The following NRG1 variants were observed in gnomAD, a reference collection of about 807,000 sequenced individuals.
NRG1 encodes the protein neuregulin 1.
In NRG1, 18 loss-of-function variants were observed where a neutral mutation model predicts 63.8. The ratio of observed to expected loss-of-function variants is 0.28; its 90% confidence interval spans 0.19 to 0.42. NRG1 has a LOEUF of 0.42. Among genes scored for constraint, NRG1 ranks in the 10% least tolerant of loss-of-function variants. The pLI is 1.00. For missense variants in NRG1, 762 were observed against 814.7 expected (o/e 0.94, Z 0.79); for synonymous variants, 302 against 301.3 (o/e 1.00, Z -0.02).
chr8:31,868,872 C>G (rs960841777), intron 1 of NRG1, among the ~76,000 whole-genome samples: 5 of 152,176 alleles, frequency 3.3e-5, no homozygotes, highest in African/African-American at 1.2e-4. Flanking sequence ...CTATATGATT[C>G]CATGGTCTAT....
intron 5 of NRG1, among the ~76,000 whole-genome samples, chr8:32,656,816 CA>C (rs1356011462): frequency 5.3e-5 from 8 of 151,226 alleles, no homozygotes; most frequent in African/African-American, 1.9e-4. Flanking sequence ...CTGATGGACC[CA>C]ATAAAACTTG....
chr8:32,307,582 CA>C (rs1406963771), intron 1 of NRG1, among the ~76,000 whole-genome samples: 3 of 128,822 alleles, frequency 2.3e-5, no homozygotes, highest in Non-Finnish European at 4.9e-5. Flanking sequence ...TATGGTCACC[CA>C]GGGGTTTGTG....
At chr8:32,174,896 C>T (rs990421638) in intron 1 of NRG1, among the ~76,000 whole-genome samples, 7 of 152,056 alleles carry the variant, frequency 4.6e-5, no homozygotes, top group African/African-American at 1.2e-4. Flanking sequence ...CAAATTCTAC[C>T]GAGGTACAAG....
intron 1 of NRG1, among the ~76,000 whole-genome samples, chr8:32,108,781 C>T (rs780987173): frequency 1.3e-5 from 2 of 151,992 alleles, no homozygotes; most frequent in South Asian, 2.1e-4. Context: ...AGGGGACAAC[C>T]TTTAGAAGCT....
Position 31,923,299 on chromosome 8 carries a change from A to G in NRG1, c.37+283868A>G, listed in dbSNP as rs200570994. On this transcript the variant is annotated intron_variant, in intron 1 of 10. Coordinates refer to the NRG1 transcript ENST00000519301. ...TTCCTTTATTCTTTAATGAGGTGAT[A>G]TCATATCAAATATTAGACCAATATT... is the stretch of plus-strand genomic sequence containing the variant. 5.3e-5 allele frequency among the ~76,000 whole-genome samples: 8 copies of G among 152,194 alleles called. No individual in the cohort carries two copies. The East Asian group carries it at 1.3e-3, about 26-fold the overall frequency.
At position 32,634,715 on chromosome 8, in the gene NRG1, A is replaced by C. The variant is rs148059313; in HGVS notation, c.502+17830A>C. On this transcript the variant is annotated intron_variant, in intron 5 of 11. Transcript: ENST00000356819. ...TGAGTCTTGTGTAAGTCCAAATAAAAATTTTATTGTAGAGCCCAACAACAA... is the reference window on the plus strand; with the variant it reads ...TGAGTCTTGTGTAAGTCCAAATAAACATTTTATTGTAGAGCCCAACAACAA... Among the ~76,000 whole-genome samples, 156 of 152,306 alleles carry C rather than the reference A, an allele frequency of 1.0e-3. 1 individual carries two copies. The highest frequency in any genetic ancestry group is 1.9e-3 in the Non-Finnish European group (130 of 68,010).
chr8:31,983,599 C>G (rs1036574639), intron 1 of NRG1, among the ~76,000 whole-genome samples: 1 of 151,974 alleles, frequency 6.6e-6, no homozygotes, highest in East Asian at 1.9e-4. Flanking sequence ...CCAGGCTAGT[C>G]TCAAACTCCA....
At chr8:31,757,173 C>T (rs891885273) in intron 1 of NRG1, among the ~76,000 whole-genome samples, 9 of 151,746 alleles carry the variant, frequency 5.9e-5, no homozygotes, top group Non-Finnish European at 5.9e-5. Flanking sequence ...ATTTGTTGTC[C>T]TTTTTTTTCA....
At chr8:31,657,367 C>T (rs1289483399) in intron 1 of NRG1, among the ~76,000 whole-genome samples, 9 of 152,160 alleles carry the variant, frequency 5.9e-5, no homozygotes, top group African/African-American at 1.4e-4. Flanking sequence ...ACCTTACCTG[C>T]GGGCTCCTCC....
chr8:32,745,670 TG>T (rs928515903), intron 7 of NRG1, among the ~76,000 whole-genome samples: 3 of 112,330 alleles, frequency 2.7e-5, no homozygotes, highest in Admixed American at 8.9e-5. Flanking sequence ...ATGTGGTGTG[TG>T]GGGGGTGTGT....
chr8:31,669,733 T>G (rs1806925740), intron 1 of NRG1, among the ~76,000 whole-genome samples: 1 of 152,196 alleles, frequency 6.6e-6, no homozygotes, highest in Non-Finnish European at 1.5e-5. Context: ...CATAAGTACT[T>G]AACAGTAAAA....
chr8:31,952,475 A>G (rs764406217), intron 1 of NRG1, among the ~76,000 whole-genome samples: 4 of 152,256 alleles, frequency 2.6e-5, no homozygotes, highest in Non-Finnish European at 5.9e-5. Context: ...TCTAACAGGC[A>G]GAACAGCATG....
intron 1 of NRG1, chr8:32,440,660 C>T (rs1402447213): frequency 2.0e-5 from 3 of 151,942 alleles, no homozygotes; most frequent in East Asian, 1.9e-4. Context: ...ACTAAGGGTC[C>T]GCAGGGTAAC....
intron 1 of NRG1, among the ~76,000 whole-genome samples, chr8:31,733,569 C>T (rs1814336381): frequency 6.6e-6 from 1 of 152,128 alleles, no homozygotes; most frequent in Non-Finnish European, 1.5e-5. Flanking sequence ...ATTTCTGACT[C>T]CTGGAAGATT....
intron 1 of NRG1, among the ~76,000 whole-genome samples, chr8:31,934,171 T>C (rs1424140938): frequency 1.3e-5 from 2 of 152,140 alleles, no homozygotes; most frequent in Non-Finnish European, 1.5e-5. Context: ...CATTAAAATT[T>C]TAGTAAACTT....
At chr8:32,644,625 T>C (rs371370200) in intron 5 of NRG1, among the ~76,000 whole-genome samples, 1 of 152,284 alleles carries the variant, frequency 6.6e-6, no homozygotes, top group African/African-American at 2.4e-5. Flanking sequence ...GAATGACTTT[T>C]GGGGGAAAAA....
chr8:32,732,120 G>C (rs1453595984), intron 6 of NRG1, among the ~76,000 whole-genome samples: 1 of 152,154 alleles, frequency 6.6e-6, no homozygotes, highest in Non-Finnish European at 1.5e-5. Flanking sequence ...ACCTCCTCCT[G>C]GGGACTGTGT....
chr8:31,808,842 G>C (rs1387325483), intron 1 of NRG1, among the ~76,000 whole-genome samples: 3 of 151,934 alleles, frequency 2.0e-5, no homozygotes, highest in Non-Finnish European at 4.4e-5. Context: ...TTTTAGATGT[G>C]AACATAAGGT....
intron 1 of NRG1, among the ~76,000 whole-genome samples, chr8:32,031,169 T>A (rs1818202776): frequency 6.6e-6 from 1 of 152,174 alleles, no homozygotes; most frequent in Non-Finnish European, 1.5e-5. Context: ...AGCATCACAT[T>A]GTCATAAGCT....
Sources: allele counts gnomAD v4.1 joint callset (sites outside exome capture counted in the v4.1 genomes callset), GRCh38; gene constraint gnomAD v4.1.1; transcripts MANE v1.5; gene names NCBI Gene and HGNC (gene_info 2026-07-23, HGNC 2026-07-21).